FAM81A: variants seen among roughly 807,000 people sequenced by gnomAD.
FAM81A encodes family with sequence similarity 81 member A, also known as protein FAM81A.
A neutral mutation model predicts 46.7 loss-of-function variants in FAM81A; 19 were observed. That is an observed-to-expected ratio of 0.41 (90% CI 0.28 to 0.60). FAM81A has a LOEUF of 0.60. Among genes scored for constraint, FAM81A ranks in the 20% least tolerant of loss-of-function variants. The probability of loss-of-function intolerance (pLI) is 0.34; values close to 1 mark genes in which losing one functional copy is unlikely to be tolerated. For synonymous variants in FAM81A, 183 were observed against 152.9 expected (o/e 1.20, Z -1.45); for missense variants, 377 against 453.5 (o/e 0.83, Z 1.53).
chr15:59,479,299 T>C lies in FAM81A; in HGVS notation c.295-12972T>C, dbSNP rs536454250. On this transcript the variant is annotated intron_variant, in intron 3 of 8. Coordinates refer to ENST00000288228, the MANE Select transcript of FAM81A (RefSeq NM_152450.3). Reference sequence around the variant, plus strand: ...AGGCCGAGGCGTGCAGATCACGAGGTCAGGAGTTCAAGACCAGACTGACCA... The same window carrying C: ...AGGCCGAGGCGTGCAGATCACGAGGCCAGGAGTTCAAGACCAGACTGACCA... Among the ~76,000 whole-genome samples, 115 of 151,758 alleles carry C rather than the reference T, an allele frequency of 7.6e-4. 1 individual carries two copies. The highest frequency in any genetic ancestry group is 2.5e-3 in the African/African-American group (102 of 41,360).
intron 2 of FAM81A, among the ~76,000 whole-genome samples, chr15:59,413,202 T>C (rs2081129838): frequency 6.6e-6 from 1 of 152,076 alleles, no homozygotes; most frequent in Non-Finnish European, 1.5e-5. Flanking sequence ...CATGGCTTAC[T>C]ACTGGCTAAT....
chr15:59,521,327 C>G lies in FAM81A; in HGVS notation c.1056C>G (p.Asp352Glu). The G allele has an allele frequency of 6.2e-7, 1 of 1,613,720 alleles. No individual in the cohort carries two copies. The highest frequency in any genetic ancestry group is 8.5e-7 in the Non-Finnish European group (1 of 1,179,754). ...VLEAKMKLDR[D>E]QLQKQIQLMQ... is the part of the protein sequence containing the mutation. ...AGGCCAAGATGAAGCTGGACAGGGA[C>G]CAGCTACAGAAGCAAATCCAGCTGA... The change falls in exon 9 of 9, where the codon GAC becomes GAG. Residue 352 changes from aspartate to glutamate, a missense_variant. Coordinates refer to ENST00000288228, the MANE Select transcript of FAM81A (RefSeq NM_152450.3).
At chr15:59,440,862 T>G (rs1362148799) in intron 1 of FAM81A, among the ~76,000 whole-genome samples, 1 of 152,116 alleles carries the variant, frequency 6.6e-6, no homozygotes, top group African/African-American at 2.4e-5. Context: ...CTTCTTATAT[T>G]TCAGTCCTCA....
intron 2 of FAM81A, among the ~76,000 whole-genome samples, chr15:59,428,396 C>T (rs969801647): frequency 5.3e-5 from 8 of 149,782 alleles, no homozygotes; most frequent in Admixed American, 1.3e-4. Context: ...TTTTCTTAGT[C>T]CTGAGAATTC....
At chr15:59,446,417 A>C (rs1226016312) in intron 1 of FAM81A, 3 of 152,238 alleles carry the variant, frequency 2.0e-5, no homozygotes, top group Non-Finnish European at 4.4e-5. Context: ...GACAGAGGCC[A>C]TGTGTGTATT....
At chr15:59,437,947 T>C (rs1280033459), upstream of FAM81A, among the ~76,000 whole-genome samples, 1 of 151,606 alleles carries the variant, frequency 6.6e-6, no homozygotes, top group Admixed American at 6.6e-5. Flanking sequence ...GCAGAGGCTA[T>C]TTTGGGTGTG....
At chr15:59,445,361 T>TA (rs2081343119) in intron 1 of FAM81A, 1 of 152,196 alleles carries the variant, frequency 6.6e-6, no homozygotes, top group South Asian at 2.1e-4. Context: ...ATGGAATTCT[T>TA]AAAATTGTTG....
chr15:59,513,334 G>GA (rs1168894488), intron 6 of FAM81A, among the ~76,000 whole-genome samples: 2 of 152,208 alleles, frequency 1.3e-5, no homozygotes, highest in Admixed American at 1.3e-4. Context: ...GGACTAGGAG[G>GA]AAGAGCCTGG....
At chr15:59,490,332 C>G (rs1052404376) in intron 3 of FAM81A, among the ~76,000 whole-genome samples, 1 of 151,940 alleles carries the variant, frequency 6.6e-6, no homozygotes, top group Non-Finnish European at 1.5e-5. Context: ...AACGTAGTTG[C>G]AAACTCTCCA....
upstream of FAM81A, among the ~76,000 whole-genome samples, chr15:59,437,886 G>A (rs2081254167): frequency 6.6e-6 from 1 of 152,090 alleles, no homozygotes; most frequent in African/African-American, 2.4e-5. Flanking sequence ...ATCCCCGCCC[G>A]CCAACTCCAA....
At chr15:59,489,041 G>A (rs541658919) in intron 3 of FAM81A, among the ~76,000 whole-genome samples, 150 of 152,218 alleles carry the variant, frequency 9.9e-4, no homozygotes, top group Admixed American at 3.9e-4. Context: ...TGAGGCAGGC[G>A]GATCACGAGG....
At chr15:59,462,100 G>A (rs1264698314) in intron 3 of FAM81A, among the ~76,000 whole-genome samples, 12 of 151,946 alleles carry the variant, frequency 7.9e-5, no homozygotes, top group African/African-American at 2.7e-4. Flanking sequence ...CTACTCGGGA[G>A]GTTGAGGCAG....
chr15:59,414,464 A>G (rs1340225490), intron 2 of FAM81A, among the ~76,000 whole-genome samples: 2 of 152,224 alleles, frequency 1.3e-5, no homozygotes, highest in Non-Finnish European at 2.9e-5. Flanking sequence ...AGGAGCTTGT[A>G]TGCCCTCTTC....
chr15:59,486,168 A>G (rs2081914742), intron 3 of FAM81A, among the ~76,000 whole-genome samples: 1 of 150,578 alleles, frequency 6.6e-6, no homozygotes, highest in South Asian at 2.1e-4. Flanking sequence ...AACAAGAGCA[A>G]CACTCTGAAG....
intron 2 of FAM81A, among the ~76,000 whole-genome samples, chr15:59,419,486 C>T (rs1330683649): frequency 2.6e-5 from 4 of 152,140 alleles, no homozygotes; most frequent in African/African-American, 7.2e-5. Flanking sequence ...CTTTTCTGAC[C>T]TTCTACAGTA....
At chr15:59,461,621 T>C (rs1362305578) in intron 3 of FAM81A, among the ~76,000 whole-genome samples, 1 of 152,158 alleles carries the variant, frequency 6.6e-6, no homozygotes, top group Non-Finnish European at 1.5e-5. Context: ...GTGCCCAGCC[T>C]GGCCTCTCTC....
In FAM81A at chr15:59,471,543, G is replaced by A. The variant is rs150806905; in HGVS notation, c.294+11337G>A. ...AGTGGTGCAATCATAACTCACTGCA[G>A]CGTCAAACTCCTGGGCTCAAGTGAT... is the stretch of plus-strand genomic sequence containing the variant. On this transcript the variant is annotated intron_variant, in intron 3 of 8. Transcript: ENST00000288228. 8.9e-3 allele frequency among the ~76,000 whole-genome samples: 1,358 copies of A among 152,086 alleles called. 22 individuals are homozygous for A. The highest frequency in any genetic ancestry group is 0.03 in the African/African-American group (1,263 of 41,488).
At chr15:59,464,305 C>T (rs1421961777) in intron 3 of FAM81A, among the ~76,000 whole-genome samples, 2 of 152,158 alleles carry the variant, frequency 1.3e-5, no homozygotes, top group African/African-American at 4.8e-5. Context: ...CTTCAATATA[C>T]TGATTTCCTT....
chr15:59,423,448 G>C (rs1186682657), intron 2 of FAM81A, among the ~76,000 whole-genome samples: 2 of 152,192 alleles, frequency 1.3e-5, no homozygotes, highest in Non-Finnish European at 2.9e-5. Context: ...CTGCAGCTCA[G>C]AGATTTTAGC....
Sources: gnomAD v4.1 joint callset for allele counts (sites outside exome capture counted in the v4.1 genomes callset) on GRCh38, gnomAD v4.1.1 for gene constraint, MANE v1.5 for transcripts, NCBI Gene and HGNC (gene_info 2026-07-23, HGNC 2026-07-21) for gene names.